The following RBM33 variants were observed in gnomAD, a reference collection of about 807,000 sequenced individuals.
The protein encoded by RBM33 is RNA-binding protein 33.
A neutral mutation model predicts 132.6 loss-of-function variants in RBM33; 28 were observed. That is an observed-to-expected ratio of 0.21 (90% CI 0.16 to 0.29). RBM33 has a LOEUF of 0.29. Ranked by LOEUF, RBM33 falls within the 10% of genes least tolerant of loss-of-function variation. The pLI is 1.00. For missense variants in RBM33, 1,291 were observed against 1,518.5 expected (o/e 0.85, Z 2.49); for synonymous variants, 634 against 593.0 (o/e 1.07, Z -1.01).
chr7:155,730,940 T>C (rs1197452146), intron 9 of RBM33, among the ~76,000 whole-genome samples: 2 of 152,242 alleles, frequency 1.3e-5, no homozygotes, highest in Non-Finnish European at 2.9e-5. Context: ...AGAGGTGATG[T>C]ACCTAGTTCT....
At position 155,777,046 on chromosome 7, in the gene RBM33, G is replaced by T. The variant is rs1422362572; in HGVS notation, c.*2005G>T. The T allele has an allele frequency of 6.6e-6, 1 of 151,234 alleles. No homozygotes were observed. The highest frequency in any genetic ancestry group is 1.5e-5 in the Non-Finnish European group (1 of 67,962). 9.4% of individuals were successfully genotyped at this position (151,234 alleles called of 1,614,324 possible). On this transcript the variant is annotated 3_prime_UTR_variant, in exon 18 of 18. Transcript: ENST00000401878. ...ACTGATACAATGAAATGAGTTTCAT[G>T]ACTTTTTTTTTTTTTAAACACTTTT...
At chr7:155,737,400 C>A in intron 9 of RBM33, 130 bp from the exon 10 acceptor site, 2 of 766,304 alleles carry the variant, frequency 2.6e-6, no homozygotes, top group South Asian at 2.3e-5. Flanking sequence ...AAGAGAAAGA[C>A]AGTGACTGTT....
intron 1 of RBM33, among the ~76,000 whole-genome samples, chr7:155,655,230 A>G (rs1423266456): frequency 2.0e-5 from 3 of 152,124 alleles, no homozygotes; most frequent in African/African-American, 4.8e-5. Flanking sequence ...CCCCCATTAT[A>G]TTATTGGGGA....
intron 10 of RBM33, 142 bp downstream of exon 10, chr7:155,737,804 C>T (rs1210697583): frequency 1.0e-6 from 1 of 1,000,682 alleles, no homozygotes. Flanking sequence ...GCAGTTCTGC[C>T]TGTCATTTCA....
intron 1 of RBM33, among the ~76,000 whole-genome samples, chr7:155,664,548 A>G (rs1798747638): frequency 6.6e-6 from 1 of 152,082 alleles, no homozygotes; most frequent in African/African-American, 2.4e-5. Context: ...CTGGGATTAC[A>G]GGCATGAGCC....
chr7:155,752,950 AC>A (rs1457875751), intron 14 of RBM33, among the ~76,000 whole-genome samples: 8 of 152,024 alleles, frequency 5.3e-5, no homozygotes, highest in Non-Finnish European at 1.2e-4. Context: ...ACTGCTACTT[AC>A]CTGAGTGGGG....
At chr7:155,681,419 A>G (rs981540297) in intron 5 of RBM33, among the ~76,000 whole-genome samples, 2 of 152,170 alleles carry the variant, frequency 1.3e-5, no homozygotes, top group African/African-American at 4.8e-5. Context: ...ATAATTCGTT[A>G]TCTATAATCA....
At chr7:155,647,125 G>T (rs1585390300) in intron 1 of RBM33, among the ~76,000 whole-genome samples, 1 of 152,106 alleles carries the variant, frequency 6.6e-6, no homozygotes, top group African/African-American at 2.4e-5. Context: ...TCTTAAAATG[G>T]CAGCCACAGA....
chr7:155,674,609 G>C (rs1301423108), intron 3 of RBM33, among the ~76,000 whole-genome samples: 1 of 152,106 alleles, frequency 6.6e-6, no homozygotes. Context: ...AAAGCTTTGG[G>C]GTCAGGACTG....
At chr7:155,690,767 CT>C (rs949690320) in intron 5 of RBM33, among the ~76,000 whole-genome samples, 27 of 152,094 alleles carry the variant, frequency 1.8e-4, no homozygotes, top group Admixed American at 3.3e-4. Flanking sequence ...GTTGAAAATT[CT>C]TTTTTTTAAG....
At chr7:155,741,003 G>C (rs1030601534) in intron 12 of RBM33, among the ~76,000 whole-genome samples, 90 of 152,280 alleles carry the variant, frequency 5.9e-4, no homozygotes, top group African/African-American at 2.0e-3. Context: ...ATGTCACTTA[G>C]CTGCTTGGAA....
At position 155,741,981 on chromosome 7, in the gene RBM33, G is replaced by C. The variant is rs372965568; in HGVS notation, c.2212G>C (p.Val738Leu). 6.2e-6 allele frequency: 10 copies of C among 1,613,834 alleles called. No individual in the cohort carries two copies. Among genetic ancestry groups the C allele is most frequent in the African/African-American group, 1.3e-5 (1 of 74,896 alleles). ...ATPSAQVKPI[V>L]SASPPSRAVA... ...GCCCTCAGCACAAGTGAAACCTATC[G>C]TCAGCGCGTCACCACCCTCGCGGGC... is the stretch of plus-strand genomic sequence containing the variant. Residue 738 changes from valine (V) to leucine (L), a missense_variant, in exon 13 of 18, where the codon GTC becomes CTC. Val to Leu is a conservative substitution (Grantham distance 32). This residue lies in a region of RBM33 where 841 missense variants were observed against 912.0 expected (regional missense o/e 0.92). Transcript: ENST00000401878.
intron 9 of RBM33, among the ~76,000 whole-genome samples, chr7:155,734,900 A>AT (rs34583218): frequency 5.3e-5 from 8 of 151,968 alleles, no homozygotes; most frequent in Admixed American, 4.6e-4. Flanking sequence ...TCATTTAAAC[A>AT]TTTTTTTGAA....
intron 14 of RBM33, among the ~76,000 whole-genome samples, chr7:155,747,819 C>T (rs1270330447): frequency 6.6e-6 from 1 of 152,244 alleles, no homozygotes; most frequent in East Asian, 1.9e-4. Context: ...GTTCGTATTT[C>T]TCTGAACCAG....
chr7:155,721,990 A>T (rs1187033544), intron 9 of RBM33, among the ~76,000 whole-genome samples: 1 of 152,178 alleles, frequency 6.6e-6, no homozygotes, highest in Non-Finnish European at 1.5e-5. Context: ...TTGCACTAGG[A>T]TGCATGTCCT....
chr7:155,653,237 C>T (rs1585396713), intron 1 of RBM33, among the ~76,000 whole-genome samples: 1 of 152,224 alleles, frequency 6.6e-6, no homozygotes, highest in East Asian at 1.9e-4. Flanking sequence ...ATTGCCACGC[C>T]AGTCCTTGGA....
At chr7:155,652,498 A>G (rs1323223432) in intron 1 of RBM33, among the ~76,000 whole-genome samples, 1 of 152,220 alleles carries the variant, frequency 6.6e-6, no homozygotes, top group Non-Finnish European at 1.5e-5. Flanking sequence ...CTAATAGTCT[A>G]TGTGGTATCT....
Position 155,737,636 on chromosome 7 carries a change from A to G in RBM33, c.1367A>G (p.Gln456Arg). Reference protein sequence around the residue: ...QDQWRAPPPPQDRDPFFLGVS... With the variant: ...QDQWRAPPPPRDRDPFFLGVS... ...CAGTGGAGAGCCCCACCCCCGCCTC[A>G]GGATCGAGACCCTTTCTTCTTAGGA... Residue 456 changes from glutamine to arginine, a missense_variant, in exon 10 of 18, where the codon CAG (glutamine) becomes CGG (arginine). Coordinates refer to ENST00000401878, the MANE Select transcript of RBM33 (RefSeq NM_053043.3). 6.4e-7 allele frequency: 1 copy of G among 1,556,398 alleles called. No individual in the cohort carries two copies. The highest frequency in any genetic ancestry group is 8.7e-7 in the Non-Finnish European group (1 of 1,152,908).
In RBM33 at chr7:155,737,353, C is replaced by CTGTGTGTGTGTGTGTGTG. The variant is rs59512454; in HGVS notation, c.1261-161_1261-144dup. 1.6e-3 allele frequency among the ~76,000 whole-genome samples: 226 copies of CTGTGTGTGTGTGTGTGTG among 142,936 alleles called. 2 individuals are homozygous for CTGTGTGTGTGTGTGTGTG. Among genetic ancestry groups the CTGTGTGTGTGTGTGTGTG allele is most frequent in the African/African-American group, 5.6e-3 (210 of 37,708 alleles). 93.8% of individuals were successfully genotyped at this position (142,936 alleles called of 152,430 possible). On this transcript the variant is annotated intron_variant, in intron 9 of 17. Coordinates refer to ENST00000401878, the MANE Select transcript of RBM33 (RefSeq NM_053043.3). ...ATCCTGTCATTAAGGATGCATGACT[C>CTGTGTGTGTGTGTGTGTG]TGTGTGTGTGTGTGTGTGTGTGTGT...
Sources: allele counts gnomAD v4.1 joint callset (sites outside exome capture counted in the v4.1 genomes callset), GRCh38; gene constraint gnomAD v4.1.1; regional missense constraint gnomAD v4.1.1; transcripts MANE v1.5; gene names NCBI Gene and HGNC (gene_info 2026-07-23, HGNC 2026-07-21).